Variants in FBXL20 observed in about 807,000 individuals in gnomAD.
FBXL20 encodes F-box/LRR-repeat protein 20.
A neutral mutation model predicts 64.0 loss-of-function variants in FBXL20; 11 were observed. The ratio of observed to expected loss-of-function variants is 0.17; its 90% CI spans 0.11 to 0.28. The LOEUF (loss-of-function observed/expected upper bound fraction) is 0.28. Among genes scored for constraint, FBXL20 ranks in the 10% least tolerant of loss-of-function variants. The pLI, the probability that FBXL20 is intolerant of heterozygous loss-of-function variation, is 1.00. For missense variants in FBXL20, 303 were observed against 526.2 expected (o/e 0.58, Z 4.15); for synonymous variants, 184 against 189.0 (o/e 0.97, Z 0.22).
Position 39,260,740 on chromosome 17 carries a change from A to G in FBXL20, c.*720T>C, listed in dbSNP as rs1408067555. The G allele has an allele frequency of 1.3e-5, 2 of 153,094 alleles. No individual in the cohort carries two copies. Among genetic ancestry groups the G allele is most frequent in the South Asian group, 2.1e-4 (1 of 4,830 alleles). 9.5% of individuals were successfully genotyped at this position (153,094 alleles called of 1,614,324 possible). ...AGCAGACTGAACAGGTGACAGACTG[A>G]GCAAGAGTGTGGGGGGGAGCAACAG... On this transcript the variant is annotated 3_prime_UTR_variant, in exon 15 of 15. Transcript: ENST00000264658.
At chr17:39,388,977 G>A (rs1038863609) in intron 1 of FBXL20, among the ~76,000 whole-genome samples, 4 of 150,060 alleles carry the variant, frequency 2.7e-5, no homozygotes, top group Non-Finnish European at 5.9e-5. Context: ...GGTGGCAGGC[G>A]CCTATAATCC....
chr17:39,380,761 A>C (rs1036446817), intron 1 of FBXL20, among the ~76,000 whole-genome samples: 2 of 152,208 alleles, frequency 1.3e-5, no homozygotes, highest in African/African-American at 2.4e-5. Flanking sequence ...TAAGAACACC[A>C]GGATGTAAAA....
intron 1 of FBXL20, among the ~76,000 whole-genome samples, chr17:39,376,672 G>A (rs2047970201): frequency 1.3e-5 from 2 of 152,290 alleles, no homozygotes; most frequent in South Asian, 2.1e-4. Flanking sequence ...GCGGTTCTAG[G>A]TATTAAGAAA....
At chr17:39,358,517 T>C (rs1418840349) in intron 1 of FBXL20, among the ~76,000 whole-genome samples, 1 of 151,908 alleles carries the variant, frequency 6.6e-6, no homozygotes, top group Admixed American at 6.6e-5. Context: ...ACCCTGTCTC[T>C]TCTAAAAATA....
intron 8 of FBXL20, among the ~76,000 whole-genome samples, chr17:39,282,351 T>TAA (rs1001113527): frequency 5.9e-5 from 9 of 152,216 alleles, no homozygotes; most frequent in Non-Finnish European, 1.3e-4. Flanking sequence ...CACTGGTGGT[T>TAA]AAAAAACAAG....
At chr17:39,364,572 T>C (rs955742948) in intron 1 of FBXL20, among the ~76,000 whole-genome samples, 17 of 152,144 alleles carry the variant, frequency 1.1e-4, no homozygotes, top group African/African-American at 3.9e-4. Flanking sequence ...GTCGTGCCAC[T>C]GCACTCCAGC....
At chr17:39,321,670 C>T (rs2047357617) in intron 2 of FBXL20, among the ~76,000 whole-genome samples, 1 of 148,488 alleles carries the variant, frequency 6.7e-6, no homozygotes, top group African/African-American at 2.5e-5. Flanking sequence ...ATCCCAGCTA[C>T]TTGGGAGGCT....
intron 1 of FBXL20, among the ~76,000 whole-genome samples, chr17:39,380,914 C>A (rs976241692): frequency 4.6e-5 from 7 of 151,758 alleles, no homozygotes; most frequent in East Asian, 3.9e-4. Context: ...AATCCCAGTA[C>A]TTAGGGAAGC....
chr17:39,401,914 G>A, upstream of FBXL20: 2 of 411,546 alleles, frequency 4.9e-6, no homozygotes, highest in Non-Finnish European at 8.1e-6. Context: ...TGTGGAAAAG[G>A]GGGTCTGTGG....
At chr17:39,399,617 C>T (rs1431322549) in intron 1 of FBXL20, among the ~76,000 whole-genome samples, 2 of 152,066 alleles carry the variant, frequency 1.3e-5, no homozygotes, top group Non-Finnish European at 2.9e-5. Flanking sequence ...GAAGGACTCC[C>T]CACCTTATTC....
At chr17:39,352,077 T>A (rs1029508005) in intron 1 of FBXL20, among the ~76,000 whole-genome samples, 1 of 152,226 alleles carries the variant, frequency 6.6e-6, no homozygotes, top group Non-Finnish European at 1.5e-5. Context: ...TTGCCTTTTC[T>A]ATCAGTTTCT....
intron 2 of FBXL20, among the ~76,000 whole-genome samples, chr17:39,328,891 AAAAAATTT>A (rs1189435239): frequency 6.6e-6 from 1 of 152,026 alleles, no homozygotes; most frequent in East Asian, 1.9e-4. Context: ...CTATCTCTAC[AAAAAATTT>A]AAAAATTAGC....
At chr17:39,335,823 T>C (rs892017089) in intron 2 of FBXL20, among the ~76,000 whole-genome samples, 9 of 152,106 alleles carry the variant, frequency 5.9e-5, no homozygotes, top group East Asian at 5.8e-4. Context: ...TTTGTTTCAA[T>C]AGGGAAGGAA....
intron 1 of FBXL20, among the ~76,000 whole-genome samples, chr17:39,346,478 AC>A (rs1444308459): frequency 6.6e-6 from 1 of 152,196 alleles, no homozygotes; most frequent in African/African-American, 2.4e-5. Context: ...CGAACTCTGG[AC>A]TAGTAGGAAG....
intron 1 of FBXL20, among the ~76,000 whole-genome samples, chr17:39,363,814 A>AAAAAAAAAAC (rs1567896948): frequency 2.5e-4 from 34 of 134,656 alleles, no homozygotes; most frequent in Non-Finnish European, 4.2e-4. Flanking sequence ...TTATCTCAAA[A>AAAAAAAAAAC]AAAAAAAAAA....
intron 1 of FBXL20, among the ~76,000 whole-genome samples, chr17:39,376,818 T>G (rs180720766): frequency 6.6e-6 from 1 of 151,988 alleles, no homozygotes. Flanking sequence ...CTGTGCAACA[T>G]AGTGATACCC....
intron 1 of FBXL20, among the ~76,000 whole-genome samples, chr17:39,393,186 G>C (rs1013809121): frequency 2.0e-5 from 3 of 151,878 alleles, no homozygotes; most frequent in African/African-American, 7.3e-5. Flanking sequence ...CTACTCAGGA[G>C]GCTGAGCCAG....
At chr17:39,310,323 C>G (rs926930783) in intron 2 of FBXL20, among the ~76,000 whole-genome samples, 1 of 151,958 alleles carries the variant, frequency 6.6e-6, no homozygotes, top group African/African-American at 2.4e-5. Flanking sequence ...ATACTAACTT[C>G]CCCTGAATTT....
rs2046741058 is a variant in FBXL20 at position 39,261,080 on chromosome 17, G to A, written c.*380C>T. 5.0e-6 allele frequency: 1 copy of A among 200,866 alleles called. No homozygotes were observed. The highest frequency in any genetic ancestry group is 7.3e-5 in the South Asian group (1 of 13,714). 12.4% of individuals were successfully genotyped at this position (200,866 alleles called of 1,614,324 possible). A position where few individuals can be genotyped will look rare whatever the true frequency, so the allele number is the denominator to read the frequency against. ...TTCTTGACCCCGGAGGACAGCAGAT[G>A]CTGTTCTAAAATCCCCAAAGAAACC... On this transcript the variant is annotated 3_prime_UTR_variant, in exon 15 of 15. Coordinates refer to ENST00000264658, the MANE Select transcript of FBXL20 (RefSeq NM_032875.3).
Sources: gnomAD v4.1 joint callset for allele counts (sites outside exome capture counted in the v4.1 genomes callset) on GRCh38, gnomAD v4.1.1 for gene constraint, MANE v1.5 for transcripts, NCBI Gene and HGNC (gene_info 2026-07-23, HGNC 2026-07-21) for gene names.